The following SLC10A7 variants were observed in gnomAD, a reference collection of about 807,000 sequenced individuals.
The protein encoded by SLC10A7 is sodium/bile acid cotransporter 7.
In SLC10A7, 29 loss-of-function variants were observed where a neutral mutation model predicts 43.2. The ratio of observed to expected loss-of-function variants is 0.67; its 90% CI spans 0.50 to 0.92. The LOEUF (loss-of-function observed/expected upper bound fraction) is 0.92, where lower values mean the gene tolerates loss of function less well. Among genes scored for constraint, SLC10A7 ranks in the 40% least tolerant of loss-of-function variants. The pLI, the probability that SLC10A7 is intolerant of heterozygous loss-of-function variation, is 0.00. For synonymous variants in SLC10A7, 152 were observed against 144.8 expected, an observed-to-expected ratio of 1.05 and a Z score of -0.35; for missense variants, 295 against 403.2, an observed-to-expected ratio of 0.73 and a Z score of 2.30.
chr4:146,323,039 G>GAT (rs1732843951), intron 6 of SLC10A7, among the ~76,000 whole-genome samples: 1 of 152,082 alleles, frequency 6.6e-6, no homozygotes, highest in African/African-American at 2.4e-5. Flanking sequence ...AATGTCTGTT[G>GAT]ATATCCTTTG....
At chr4:146,493,396 C>G (rs907186181) in intron 4 of SLC10A7, among the ~76,000 whole-genome samples, 1 of 151,896 alleles carries the variant, frequency 6.6e-6, no homozygotes, top group African/African-American at 2.4e-5. Flanking sequence ...AGGTTGATAA[C>G]CCATTTTCAA....
chr4:146,293,636 G>C (rs752692761), intron 8 of SLC10A7, among the ~76,000 whole-genome samples: 27 of 152,086 alleles, frequency 1.8e-4, no homozygotes, highest in African/African-American at 6.3e-4. Context: ...TGGTGACACA[G>C]TGCTTAATCT....
chr4:146,469,765 A>G (rs1733392060), intron 4 of SLC10A7, among the ~76,000 whole-genome samples: 1 of 152,026 alleles, frequency 6.6e-6, no homozygotes, highest in African/African-American at 2.4e-5. Flanking sequence ...AGTAGTTTGG[A>G]CCACAGGTGC....
chr4:146,501,046 T>C (rs1736365848), intron 4 of SLC10A7, among the ~76,000 whole-genome samples: 1 of 152,210 alleles, frequency 6.6e-6, no homozygotes, highest in African/African-American at 2.4e-5. Context: ...TCATTATTGC[T>C]GCTTTCTCTG....
chr4:146,512,061 C>A (rs1737532573), intron 2 of SLC10A7, among the ~76,000 whole-genome samples: 1 of 142,446 alleles, frequency 7.0e-6, no homozygotes, highest in African/African-American at 2.6e-5. Flanking sequence ...GCAACCACTG[C>A]CTCCTGAGTT....
At position 146,508,898 on chromosome 4, in the gene SLC10A7, C is replaced by T. The variant is rs545847445; in HGVS notation, c.320+1015G>A. Among the ~76,000 whole-genome samples the T allele has an allele frequency of 7.9e-5, 12 of 152,268 alleles. No homozygotes were observed. The East Asian group carries it at 1.4e-3, about 17-fold the overall frequency. On this transcript the variant is annotated intron_variant, in intron 3 of 11. Coordinates refer to ENST00000335472, the MANE Select transcript of SLC10A7 (RefSeq NM_001029998.6). ...CCACGGCCTATAAGGCTCTACATAC[C>T]TCATTCCTGCCTACTTTTATACCGC...
At chr4:146,463,733 C>A (rs765289578) in intron 4 of SLC10A7, among the ~76,000 whole-genome samples, 9 of 151,470 alleles carry the variant, frequency 5.9e-5, no homozygotes, top group Non-Finnish European at 1.5e-5. Context: ...AGAGCAAGAC[C>A]CTGTCTTAAA....
Position 146,484,968 on chromosome 4 carries a change from A to G in SLC10A7, c.396+18881T>C, listed in dbSNP as rs146924424. Among the ~76,000 whole-genome samples, 1,097 of 152,332 alleles carry G rather than the reference A, an allele frequency of 7.2e-3. 17 individuals are homozygous for G. The highest frequency in any genetic ancestry group is 0.025 in the African/African-American group (1,032 of 41,566). Reference sequence around the variant, plus strand: ...AGGCAGATCCTTCCAATGAGTTAATATTCTGTGTTGCCTTAGACAGAGTCA... The same window carrying G: ...AGGCAGATCCTTCCAATGAGTTAATGTTCTGTGTTGCCTTAGACAGAGTCA... On this transcript the variant is annotated intron_variant, in intron 4 of 11. Transcript: ENST00000335472.
chr4:146,384,586 A>G (rs1737856999), intron 5 of SLC10A7, among the ~76,000 whole-genome samples: 1 of 152,128 alleles, frequency 6.6e-6, no homozygotes, highest in South Asian at 2.1e-4. Context: ...ATCAGGTTTC[A>G]TAAAAAAGCA....
intron 5 of SLC10A7, among the ~76,000 whole-genome samples, chr4:146,417,424 A>G (rs536554896): frequency 2.0e-4 from 31 of 152,232 alleles, no homozygotes; most frequent in Non-Finnish European, 3.2e-4. Flanking sequence ...GGAGAATAGA[A>G]TGAAATGGGC....
chr4:146,508,016 T>C (rs1715542237), intron 3 of SLC10A7, among the ~76,000 whole-genome samples: 1 of 152,220 alleles, frequency 6.6e-6, no homozygotes, highest in Admixed American at 6.5e-5. Context: ...GTTATTCGCT[T>C]GTTGAGCATT....
At chr4:146,403,970 C>A (rs972989607) in intron 5 of SLC10A7, among the ~76,000 whole-genome samples, 2 of 152,066 alleles carry the variant, frequency 1.3e-5, no homozygotes, top group Non-Finnish European at 2.9e-5. Flanking sequence ...AATTTTTATC[C>A]ATATTGCTAA....
At chr4:146,397,429 A>T (rs1006773546) in intron 5 of SLC10A7, among the ~76,000 whole-genome samples, 6 of 152,182 alleles carry the variant, frequency 3.9e-5, no homozygotes, top group Non-Finnish European at 8.8e-5. Flanking sequence ...CACATCCCCA[A>T]TAATGTATAT....
At chr4:146,303,169 G>A (rs557398355) in intron 7 of SLC10A7, among the ~76,000 whole-genome samples, 4 of 152,114 alleles carry the variant, frequency 2.6e-5, no homozygotes, top group East Asian at 3.9e-4. Context: ...GGGTCATTCC[G>A]GCTCCAGAGT....
intron 5 of SLC10A7, among the ~76,000 whole-genome samples, chr4:146,359,902 A>T (rs1735921779): frequency 6.6e-6 from 1 of 152,058 alleles, no homozygotes; most frequent in Non-Finnish European, 1.5e-5. Flanking sequence ...ATCTTGGTGG[A>T]AAGATGCTGG....
intron 10 of SLC10A7, among the ~76,000 whole-genome samples, chr4:146,263,098 T>A (rs1728336101): frequency 6.6e-6 from 1 of 152,198 alleles, no homozygotes; most frequent in South Asian, 2.1e-4. Context: ...GCACCTGAGC[T>A]CTTTCTGCCT....
intron 5 of SLC10A7, among the ~76,000 whole-genome samples, chr4:146,386,869 GA>G (rs1201005909): frequency 1.3e-5 from 2 of 152,130 alleles, no homozygotes; most frequent in Non-Finnish European, 2.9e-5. Context: ...GGCACTTGAG[GA>G]AAGGAAGCAT....
At chr4:146,266,845 C>T (rs898981783) in intron 10 of SLC10A7, among the ~76,000 whole-genome samples, 1 of 152,110 alleles carries the variant, frequency 6.6e-6, no homozygotes, top group African/African-American at 2.4e-5. Context: ...ATTATTTAAC[C>T]TGTTTTTACA....
chr4:146,267,254 C>A (rs1021636348), intron 10 of SLC10A7, among the ~76,000 whole-genome samples: 3 of 152,194 alleles, frequency 2.0e-5, no homozygotes, highest in Non-Finnish European at 2.9e-5. Context: ...GTGGGTATGA[C>A]TTGCCTGTGA....
Sources: gnomAD v4.1 joint callset for allele counts (sites outside exome capture counted in the v4.1 genomes callset) on GRCh38, gnomAD v4.1.1 for gene constraint, MANE v1.5 for transcripts, NCBI Gene and HGNC (gene_info 2026-07-23, HGNC 2026-07-21) for gene names.